Variants in ACCSL observed in about 807,000 individuals in gnomAD.
The protein encoded by ACCSL is 1-aminocyclopropane-1-carboxylate synthase homolog (inactive) like, also known as probable inactive 1-aminocyclopropane-1-carboxylate synthase-like protein 2.
ACCSL carries 55 observed loss-of-function variants against 61.7 expected under a neutral mutation model. The ratio of observed to expected loss-of-function variants is 0.89; its 90% CI spans 0.72 to 1.12. The LOEUF (loss-of-function observed/expected upper bound fraction) is 1.12, where lower values mean the gene tolerates loss of function less well. ACCSL is among the 50% of genes most tolerant of loss of function. ACCSL has a pLI of 0.00. For synonymous variants in ACCSL, 258 were observed against 264.3 expected (o/e 0.98, Z 0.23); for missense variants, 632 against 698.0 (o/e 0.91, Z 1.07).
chr11:44,056,546 G>A (rs944056458), intron 11 of ACCSL, among the ~76,000 whole-genome samples: 1 of 152,120 alleles, frequency 6.6e-6, no homozygotes, highest in Non-Finnish European at 1.5e-5. Context: ...TAAAATACAG[G>A]ATGAGGCCGG....
upstream of ACCSL, among the ~76,000 whole-genome samples, chr11:44,045,069 A>G (rs1344325364): frequency 1.3e-5 from 2 of 152,236 alleles, no homozygotes; most frequent in Admixed American, 1.3e-4. Flanking sequence ...TTCCCATAGA[A>G]AGATGAGTCT....
At chr11:44,001,257 A>C in the ACCSL span, 1 of 151,928 alleles carries the variant, frequency 6.6e-6, no homozygotes, top group Non-Finnish European at 1.5e-5. Flanking sequence ...TGTGGTGAAC[A>C]ATACTCGTTA....
At chr11:44,035,919 T>C in the ACCSL span, among the ~76,000 whole-genome samples, 2,535 of 117,658 alleles carry the variant, frequency 0.022, 93 homozygotes, top group African/African-American at 0.081. Flanking sequence ...GCCTGAGCCA[T>C]AGAGTGAGAC....
chr11:44,043,666 GA>G (rs1952585744), upstream of ACCSL, among the ~76,000 whole-genome samples: 1 of 151,820 alleles, frequency 6.6e-6, no homozygotes. Flanking sequence ...CTTCTTTTGG[GA>G]CTCCAAAAAA....
chr11:44,053,518 ACC>A lies in ACCSL; in HGVS notation c.1049+15_1049+16del. ...GAATTTGCCAAGAGGTATGAGTTCT[ACC>A]CCTTGAGACTAGGTAATGTTTCTTG... On this transcript the variant is annotated intron_variant, in intron 8 of 13. Transcript: ENST00000378832. 4 of 1,596,904 alleles carry A rather than the reference ACC, an allele frequency of 2.5e-6. No homozygotes were observed. The highest frequency in any genetic ancestry group is 3.4e-6 in the Non-Finnish European group (4 of 1,164,498).
chr11:43,936,644 G>A, the ACCSL span, among the ~76,000 whole-genome samples: 1 of 152,196 alleles, frequency 6.6e-6, no homozygotes, highest in African/African-American at 2.4e-5. Context: ...ATGAGTCCAT[G>A]GCGGCACTTA....
the ACCSL span, among the ~76,000 whole-genome samples, chr11:43,999,139 G>A: frequency 0.021 from 3,151 of 152,192 alleles, 114 homozygotes; most frequent in African/African-American, 0.072. Context: ...AATGTTAAGC[G>A]CTTAAGACAC....
chr11:44,043,147 A>G (rs114355506), upstream of ACCSL, among the ~76,000 whole-genome samples: 1 of 151,982 alleles, frequency 6.6e-6, no homozygotes, highest in Non-Finnish European at 1.5e-5. Flanking sequence ...CTACATTTTA[A>G]ATCTATTTAA....
the ACCSL span, among the ~76,000 whole-genome samples, chr11:43,948,661 A>G: frequency 6.6e-6 from 1 of 151,956 alleles, no homozygotes; most frequent in African/African-American, 2.4e-5. Flanking sequence ...TTTTGTTGAG[A>G]TGGGGTCTCC....
the ACCSL span, among the ~76,000 whole-genome samples, chr11:43,954,183 T>A: frequency 6.6e-6 from 1 of 152,154 alleles, no homozygotes; most frequent in Non-Finnish European, 1.5e-5. Flanking sequence ...TCCTTGGAGA[T>A]GAGCAAATGT....
At chr11:44,058,267 T>C (rs1275362606) in intron 11 of ACCSL, 50 bp from the exon 12 acceptor site, 3 of 1,592,348 alleles carry the variant, frequency 1.9e-6, no homozygotes, top group Non-Finnish European at 2.6e-6. Context: ...GAACTCTCGG[T>C]AGATTTCTGT....
At chr11:43,957,600 C>G in the ACCSL span, among the ~76,000 whole-genome samples, 10 of 152,148 alleles carry the variant, frequency 6.6e-5, no homozygotes, top group Non-Finnish European at 1.2e-4. Flanking sequence ...TCCACAACAT[C>G]AGACAGTTTG....
At chr11:44,033,785 G>C in the ACCSL span, among the ~76,000 whole-genome samples, 2,900 of 152,180 alleles carry the variant, frequency 0.019, 108 homozygotes, top group African/African-American at 0.066. Context: ...AACAGAAAGG[G>C]CCCAGAAAAG....
At chr11:44,006,499 ATTTTTTTTTTTTT>A in the ACCSL span, among the ~76,000 whole-genome samples, 1 of 89,456 alleles carries the variant, frequency 1.1e-5, no homozygotes, top group African/African-American at 4.7e-5. Context: ...CCTCTTTGAG[ATTTTTTTTTTTTT>A]TTTTTTTTTT....
chr11:44,009,255 T>C, the ACCSL span, among the ~76,000 whole-genome samples: 1 of 152,172 alleles, frequency 6.6e-6, no homozygotes, highest in Non-Finnish European at 1.5e-5. Context: ...GATTGCGGTA[T>C]CAGGGTTCCC....
At chr11:44,024,898 T>G in the ACCSL span, among the ~76,000 whole-genome samples, 2 of 152,226 alleles carry the variant, frequency 1.3e-5, no homozygotes. Context: ...AATTGTTATG[T>G]TTTTATGATA....
At chr11:44,019,096 T>A in the ACCSL span, among the ~76,000 whole-genome samples, 3 of 152,190 alleles carry the variant, frequency 2.0e-5, no homozygotes, top group African/African-American at 7.2e-5. Context: ...TAATGTATGT[T>A]TTCAAGGTTC....
chr11:44,037,479 A>T, the ACCSL span, among the ~76,000 whole-genome samples: 1 of 151,914 alleles, frequency 6.6e-6, no homozygotes, highest in Admixed American at 6.6e-5. Flanking sequence ...TACTCCTCTC[A>T]CCCGCTGCTT....
At chr11:43,997,430 TGGCTG>T in the ACCSL span, among the ~76,000 whole-genome samples, 1 of 152,220 alleles carries the variant, frequency 6.6e-6, no homozygotes, top group Non-Finnish European at 1.5e-5. Context: ...TCCCATGTGT[TGGCTG>T]AGGATTCAGC....
Sources: allele counts gnomAD v4.1 joint callset (sites outside exome capture counted in the v4.1 genomes callset), GRCh38; gene constraint gnomAD v4.1.1; transcripts MANE v1.5; gene names NCBI Gene and HGNC (gene_info 2026-07-23, HGNC 2026-07-21).